KHDRBS2: variants seen among roughly 807,000 people sequenced by gnomAD.
KHDRBS2 encodes the protein KH domain-containing, RNA-binding, signal transduction-associated protein 2.
A neutral mutation model predicts 44.3 loss-of-function variants in KHDRBS2; 26 were observed. The ratio of observed to expected loss-of-function variants is 0.59; its 90% confidence interval spans 0.43 to 0.81. The LOEUF (loss-of-function observed/expected upper bound fraction) is 0.81. KHDRBS2 is among the 40% of genes least tolerant of loss of function. The probability of loss-of-function intolerance (pLI) is 0.00; values close to 1 mark genes in which losing one functional copy is unlikely to be tolerated. For missense variants in KHDRBS2, 476 were observed against 433.1 expected, an observed-to-expected ratio of 1.10 and a Z score of -0.88; for synonymous variants, 194 against 151.1, an observed-to-expected ratio of 1.28 and a Z score of -2.08.
intron 1 of KHDRBS2, among the ~76,000 whole-genome samples, chr6:62,285,048 G>T (rs1465121999): frequency 2.0e-5 from 3 of 152,054 alleles, no homozygotes; most frequent in East Asian, 3.9e-4. Context: ...TACCATAGGT[G>T]TCTTTAGTAT....
chr6:62,087,758 G>C (rs950077247), intron 2 of KHDRBS2, among the ~76,000 whole-genome samples: 2 of 152,110 alleles, frequency 1.3e-5, no homozygotes, highest in African/African-American at 4.8e-5. Flanking sequence ...GGTTGGGGAA[G>C]TTCTCCTGGA....
intron 1 of KHDRBS2, among the ~76,000 whole-genome samples, chr6:62,275,971 T>C (rs1188660196): frequency 6.6e-6 from 1 of 152,214 alleles, no homozygotes; most frequent in African/African-American, 2.4e-5. Context: ...CCCTTTCTTC[T>C]TCTCAAAATT....
chr6:62,044,114 A>G (rs930667444), intron 3 of KHDRBS2, among the ~76,000 whole-genome samples: 4 of 151,932 alleles, frequency 2.6e-5, no homozygotes, highest in African/African-American at 9.7e-5. Context: ...ATCTTCTTTT[A>G]TCATGAAGTA....
chr6:62,110,369 C>A (rs1804714438), intron 2 of KHDRBS2, among the ~76,000 whole-genome samples: 1 of 152,002 alleles, frequency 6.6e-6, no homozygotes. Flanking sequence ...ACAAAGACTT[C>A]TACACTAACA....
chr6:61,558,230 GA>G, the KHDRBS2 span, among the ~76,000 whole-genome samples: 5 of 151,868 alleles, frequency 3.3e-5, no homozygotes, highest in Non-Finnish European at 5.9e-5. Flanking sequence ...TTGTTTATTT[GA>G]AGTTTTCTTA....
intron 8 of KHDRBS2, among the ~76,000 whole-genome samples, chr6:61,695,556 A>G (rs1240431085): frequency 2.0e-5 from 3 of 152,202 alleles, no homozygotes; most frequent in Non-Finnish European, 2.9e-5. Context: ...GCAGCAATTA[A>G]TAGTATTTCA....
chr6:62,021,614 C>A (rs943453098), intron 3 of KHDRBS2, among the ~76,000 whole-genome samples: 2 of 151,354 alleles, frequency 1.3e-5, no homozygotes, highest in Non-Finnish European at 3.0e-5. Context: ...GTAATGAAAC[C>A]CAGGGACCAA....
At chr6:61,943,997 C>CA (rs1280073873) in intron 4 of KHDRBS2, among the ~76,000 whole-genome samples, 17 of 151,892 alleles carry the variant, frequency 1.1e-4, no homozygotes, top group Non-Finnish European at 1.5e-4. Flanking sequence ...ATGAAAAAGA[C>CA]AAAAAACAAA....
chr6:61,941,887 T>C (rs1209666601), intron 4 of KHDRBS2, among the ~76,000 whole-genome samples: 1 of 152,078 alleles, frequency 6.6e-6, no homozygotes, highest in South Asian at 2.1e-4. Flanking sequence ...CCAACGAACA[T>C]AATAATACTC....
chr6:61,896,164 C>T (rs1335607419), intron 5 of KHDRBS2, among the ~76,000 whole-genome samples: 6 of 152,144 alleles, frequency 3.9e-5, no homozygotes, highest in Non-Finnish European at 8.8e-5. Flanking sequence ...GCCTTCACTG[C>T]TCCTCCAAGC....
Position 62,054,012 on chromosome 6 carries a change from C to G in KHDRBS2, c.220-6018G>C, listed in dbSNP as rs182865081. On this transcript the variant is annotated intron_variant, in intron 2 of 8. Coordinates refer to ENST00000281156, the MANE Select transcript of KHDRBS2 (RefSeq NM_152688.4). The stretch of plus-strand genomic sequence containing the variant: ...TAAATTTAGCCACAGATGTTCAAAC[C>G]TTTACAGAACATGTATAAAATACAT... Among the ~76,000 whole-genome samples, 11 of 151,952 alleles carry G rather than the reference C, an allele frequency of 7.2e-5. No individual in the cohort carries two copies. In the East Asian group the frequency reaches 2.1e-3, roughly 30 times the overall value.
chr6:62,200,031 T>C (rs888151425), intron 1 of KHDRBS2, among the ~76,000 whole-genome samples: 1 of 152,110 alleles, frequency 6.6e-6, no homozygotes, highest in African/African-American at 2.4e-5. Flanking sequence ...TGGCTAGCCA[T>C]ATGTAGAAAG....
At chr6:61,648,511 T>C in the KHDRBS2 span, among the ~76,000 whole-genome samples, 1 of 152,146 alleles carries the variant, frequency 6.6e-6, no homozygotes, top group African/African-American at 2.4e-5. Context: ...AAATATTTAT[T>C]TTGCCCTGTG....
intron 2 of KHDRBS2, among the ~76,000 whole-genome samples, chr6:62,135,184 TG>T (rs1322800462): frequency 5.9e-5 from 9 of 152,176 alleles, no homozygotes; most frequent in African/African-American, 2.2e-4. Context: ...AATTGAATCA[TG>T]GGGGCAATTT....
chr6:61,543,994 G>T, the KHDRBS2 span, among the ~76,000 whole-genome samples: 1 of 151,800 alleles, frequency 6.6e-6, no homozygotes, highest in Admixed American at 6.6e-5. Context: ...ATTGTTTGTA[G>T]ATACAAAAAA....
intron 1 of KHDRBS2, among the ~76,000 whole-genome samples, chr6:62,186,538 C>T (rs373318732): frequency 1.3e-5 from 2 of 151,902 alleles, no homozygotes; most frequent in African/African-American, 4.8e-5. Flanking sequence ...TGTCCTTTAT[C>T]AGACTAATAT....
intron 4 of KHDRBS2, among the ~76,000 whole-genome samples, chr6:61,903,088 AT>A (rs1341327174): frequency 6.6e-6 from 1 of 152,216 alleles, no homozygotes; most frequent in South Asian, 2.1e-4. Context: ...ATATTATTCA[AT>A]TTCTACCTCA....
chr6:62,114,117 C>G (rs780033878), intron 2 of KHDRBS2, among the ~76,000 whole-genome samples: 6 of 152,074 alleles, frequency 3.9e-5, no homozygotes, highest in Non-Finnish European at 7.4e-5. Flanking sequence ...ATGAGGGTCA[C>G]TGCCCCCATG....
chr6:62,144,237 G>T (rs1046074209), intron 2 of KHDRBS2, among the ~76,000 whole-genome samples: 4 of 151,592 alleles, frequency 2.6e-5, no homozygotes, highest in Non-Finnish European at 5.9e-5. Context: ...AGTTTGACAG[G>T]GTTTGCATTT....
Sources: allele counts gnomAD v4.1 joint callset (sites outside exome capture counted in the v4.1 genomes callset), GRCh38; gene constraint gnomAD v4.1.1; transcripts MANE v1.5; gene names NCBI Gene and HGNC (gene_info 2026-07-23, HGNC 2026-07-21).